Variants in SMIM35 observed in about 807,000 individuals in gnomAD.
SMIM35 encodes the protein small integral membrane protein 35.
intron 1 of SMIM35, among the ~76,000 whole-genome samples, chr11:118,052,304 G>A (rs1470501749): frequency 6.6e-6 from 1 of 151,986 alleles, no homozygotes; most frequent in Non-Finnish European, 1.5e-5. Context: ...CAAAAGAAGG[G>A]CGAGAGGCAG....
intron 1 of SMIM35, among the ~76,000 whole-genome samples, chr11:118,078,288 A>G (rs1944852343): frequency 2.0e-5 from 3 of 152,148 alleles, no homozygotes; most frequent in Non-Finnish European, 2.9e-5. Flanking sequence ...TTCCTTCTCC[A>G]GTCCTTGGCC....
chr11:118,042,181 C>A, intron 1 of SMIM35, among the ~76,000 whole-genome samples: 1 of 147,494 alleles, frequency 6.8e-6, no homozygotes, highest in South Asian at 2.2e-4. Context: ...CACTAACAAA[C>A]AAAAAATTGG....
rs1437315489 is a variant in SMIM35 at position 118,003,994 on chromosome 11, G to A, written c.*2416C>T. The A allele has an allele frequency of 6.6e-6, 1 of 152,296 alleles. No homozygotes were observed. Among genetic ancestry groups the A allele is most frequent in the Non-Finnish European group, 1.5e-5 (1 of 68,106 alleles). The allele number at this position is 152,296 out of a possible 1,614,324, so 9.4% of individuals were successfully genotyped here. A position where few individuals can be genotyped will look rare whatever the true frequency, so the allele number is the denominator to read the frequency against. On this transcript the variant is annotated 3_prime_UTR_variant, in exon 5 of 5. Coordinates refer to ENST00000689828, the MANE Select transcript of SMIM35 (RefSeq NM_001394165.1). The stretch of plus-strand genomic sequence containing the variant: ...TATCTCTCACAGTTCTGGAGGTGGG[G>A]AAGTGCAGGATCAAGGTGCCAGCTG...
chr11:118,073,519 A>T (rs1367698734), intron 1 of SMIM35, among the ~76,000 whole-genome samples: 2 of 152,236 alleles, frequency 1.3e-5, no homozygotes, highest in Non-Finnish European at 2.9e-5. Context: ...AAATACATCC[A>T]GATCAAGTCC....
intron 1 of SMIM35, among the ~76,000 whole-genome samples, chr11:118,026,813 A>C (rs1419389454): frequency 6.6e-6 from 1 of 152,066 alleles, no homozygotes; most frequent in Non-Finnish European, 1.5e-5. Flanking sequence ...TTTTTTAAAA[A>C]ATAAAAATAT....
At chr11:118,065,154 G>A (rs960888604) in intron 1 of SMIM35, among the ~76,000 whole-genome samples, 3 of 152,148 alleles carry the variant, frequency 2.0e-5, no homozygotes, top group Non-Finnish European at 4.4e-5. Context: ...GCTGCACAGC[G>A]CCCAAACCTG....
chr11:118,047,910 C>A (rs1216027033), intron 1 of SMIM35, among the ~76,000 whole-genome samples: 1 of 152,138 alleles, frequency 6.6e-6, no homozygotes, highest in Non-Finnish European at 1.5e-5. Flanking sequence ...GAAGGAGATG[C>A]AGACAGCAGC....
At position 118,004,251 on chromosome 11, in the gene SMIM35, A is replaced by G. The variant is rs1411640369; in HGVS notation, c.*2159T>C. On this transcript the variant is annotated 3_prime_UTR_variant, in exon 5 of 5. Coordinates refer to ENST00000689828, the MANE Select transcript of SMIM35 (RefSeq NM_001394165.1). ...TGACAGCTTCAACATGAATTTGGGG[A>G]AGACAAAAATATTCAGTTCATAAGA... The G allele has an allele frequency of 2.6e-5, 4 of 152,242 alleles. No individual in the cohort carries two copies. Among genetic ancestry groups the G allele is most frequent in the Non-Finnish European group, 5.9e-5 (4 of 68,060 alleles). The allele number at this position is 152,242 out of a possible 1,614,324, so 9.4% of individuals were successfully genotyped here. A position where few individuals can be genotyped will look rare whatever the true frequency, so the allele number is the denominator to read the frequency against.
chr11:118,034,095 C>A (rs1167257089), intron 1 of SMIM35, among the ~76,000 whole-genome samples: 6 of 151,666 alleles, frequency 4.0e-5, no homozygotes, highest in African/African-American at 1.5e-4. Flanking sequence ...TGGTGAAACC[C>A]CATCTCTCCT....
chr11:118,083,278 C>T (rs367704895), intron 1 of SMIM35, among the ~76,000 whole-genome samples: 3 of 152,228 alleles, frequency 2.0e-5, no homozygotes, highest in Non-Finnish European at 4.4e-5. Flanking sequence ...CTTTCTCAGA[C>T]GGCCACACAC....
intron 1 of SMIM35, among the ~76,000 whole-genome samples, chr11:118,028,389 G>A (rs961495332): frequency 2.0e-5 from 3 of 152,170 alleles, no homozygotes; most frequent in African/African-American, 7.2e-5. Flanking sequence ...GGGGACTTGG[G>A]ATATAAGTCC....
intron 1 of SMIM35, among the ~76,000 whole-genome samples, chr11:118,052,305 C>T (rs1400750084): frequency 2.0e-5 from 3 of 151,898 alleles, no homozygotes; most frequent in Non-Finnish European, 1.5e-5. Flanking sequence ...AAAAGAAGGG[C>T]GAGAGGCAGG....
In SMIM35 at chr11:118,027,113, C is replaced by T. The variant is rs375714176; in HGVS notation, c.8-11304G>A. Among the ~76,000 whole-genome samples the T allele has an allele frequency of 3.3e-3, 480 of 143,682 alleles. 7 individuals are homozygous for T. The highest frequency in any genetic ancestry group is 0.012 in the African/African-American group (454 of 38,028). The allele number at this position is 143,682 out of a possible 152,430, so 94.3% of individuals were successfully genotyped here. ...CGCAATCTCGGCTCACTGCAAGCTC[C>T]GCTTCCCGGGTTCACGCCATTCTCC... On this transcript the variant is annotated intron_variant, in intron 1 of 4. Transcript: ENST00000689828.
rs1034955138 is a variant in SMIM35 at position 118,084,660 on chromosome 11, T to C, written c.7+2091A>G. Reference sequence around the variant, plus strand: ...TGTGTGGAGTTCTGCTCTCCATGCCTGTAGGGTAATTGGGGCAGAGAGCAC... The same window carrying C: ...TGTGTGGAGTTCTGCTCTCCATGCCCGTAGGGTAATTGGGGCAGAGAGCAC... On this transcript the variant is annotated intron_variant, in intron 1 of 4. Transcript: ENST00000689828. 3.9e-5 allele frequency among the ~76,000 whole-genome samples: 6 copies of C among 152,194 alleles called. No homozygotes were observed. The East Asian group carries it at 1.2e-3, about 29-fold the overall frequency.
At chr11:118,048,716 GA>G (rs1338985819) in intron 1 of SMIM35, among the ~76,000 whole-genome samples, 3 of 151,116 alleles carry the variant, frequency 2.0e-5, no homozygotes, top group Non-Finnish European at 4.4e-5. Context: ...AAGTATGGGG[GA>G]AAAAAACAAC....
chr11:118,065,837 C>A (rs1265171941), intron 1 of SMIM35, among the ~76,000 whole-genome samples: 2 of 152,130 alleles, frequency 1.3e-5, no homozygotes, highest in African/African-American at 4.8e-5. Flanking sequence ...TTGCTTTGTG[C>A]GTTTTGTCCA....
At chr11:118,050,041 T>G (rs578039832) in intron 1 of SMIM35, among the ~76,000 whole-genome samples, 1 of 152,164 alleles carries the variant, frequency 6.6e-6, no homozygotes, top group South Asian at 2.1e-4. Flanking sequence ...GTCTTTGAAG[T>G]CTCTCAGTAC....
intron 2 of SMIM35, 68 bp from the exon 3 acceptor site, chr11:118,014,809 A>G (rs762306755): frequency 1.0e-5 from 4 of 398,452 alleles, no homozygotes; most frequent in Admixed American, 4.4e-5. Context: ...CCTTCTAAGA[A>G]CGTCTGGTGC....
At chr11:118,071,703 G>T (rs1233910076) in intron 1 of SMIM35, among the ~76,000 whole-genome samples, 1 of 152,124 alleles carries the variant, frequency 6.6e-6, no homozygotes, top group Non-Finnish European at 1.5e-5. Flanking sequence ...GAACCTCAGG[G>T]GTTCATCTAT....
Sources: gnomAD v4.1 joint callset for allele counts (sites outside exome capture counted in the v4.1 genomes callset) on GRCh38, gnomAD v4.1.1 for gene constraint, MANE v1.5 for transcripts, NCBI Gene and HGNC (gene_info 2026-07-23, HGNC 2026-07-21) for gene names.